The following CDC40 variants were observed in gnomAD, a reference collection of about 807,000 sequenced individuals.
CDC40 encodes the protein cell division cycle 40, also known as pre-mRNA-processing factor 17.
A neutral mutation model predicts 80.6 loss-of-function variants in CDC40; 27 were observed. That is an observed-to-expected ratio of 0.33 (90% CI 0.25 to 0.46). The LOEUF (loss-of-function observed/expected upper bound fraction) is 0.46, where lower values mean the gene tolerates loss of function less well. Ranked by LOEUF, CDC40 falls within the 20% of genes least tolerant of loss-of-function variation. The pLI is 1.00. For synonymous variants in CDC40, 221 were observed against 232.6 expected, an observed-to-expected ratio of 0.95 and a Z score of 0.45; for missense variants, 486 against 694.1, an observed-to-expected ratio of 0.70 and a Z score of 3.37.
intron 4 of CDC40, among the ~76,000 whole-genome samples, 178 bp from the exon 5 acceptor site, chr6:110,208,906 G>A (rs893553534): frequency 6.6e-6 from 1 of 152,160 alleles, no homozygotes; most frequent in African/African-American, 2.4e-5. Flanking sequence ...TCTGTAGCAT[G>A]AGTCAGCGTA....
rs146729954 is a variant in CDC40, at chr6:110,195,780, C to T, written c.276+2512C>T. On this transcript the variant is annotated intron_variant, in intron 2 of 14. Transcript: ENST00000307731. ...AAAAGATCTAAAGAACAGGAATGCC[C>T]GAGTCCTTACCAGAAGAAAGAATTG... 2.3e-3 allele frequency among the ~76,000 whole-genome samples: 353 copies of T among 152,106 alleles called. 1 individual carries two copies. Among genetic ancestry groups the T allele is most frequent in the African/African-American group, 8.1e-3 (337 of 41,494 alleles).
chr6:110,190,623 T>C (rs1466561369), intron 1 of CDC40, among the ~76,000 whole-genome samples: 2 of 152,138 alleles, frequency 1.3e-5, no homozygotes, highest in African/African-American at 4.8e-5. Context: ...CAGTTGGATA[T>C]GTGGATCCAA....
intron 2 of CDC40, among the ~76,000 whole-genome samples, chr6:110,198,423 T>A (rs1562201494): frequency 1.3e-5 from 2 of 152,170 alleles, no homozygotes; most frequent in Non-Finnish European, 2.9e-5. Context: ...GTGATCCACC[T>A]GCCTTGACCT....
At chr6:110,207,877 T>G (rs1349697873) in intron 4 of CDC40, among the ~76,000 whole-genome samples, 1 of 152,244 alleles carries the variant, frequency 6.6e-6, no homozygotes, top group Non-Finnish European at 1.5e-5. Context: ...AATCACTCAA[T>G]AAATTACAAC....
intron 2 of CDC40, among the ~76,000 whole-genome samples, chr6:110,194,706 A>AT (rs1169216523): frequency 1.3e-5 from 2 of 152,264 alleles, no homozygotes; most frequent in South Asian, 4.1e-4. Flanking sequence ...ATGTTTCATG[A>AT]TTTTTTAAAT....
At chr6:110,206,259 T>A (rs888623853) in intron 3 of CDC40, among the ~76,000 whole-genome samples, 1 of 152,192 alleles carries the variant, frequency 6.6e-6, no homozygotes, top group African/African-American at 2.4e-5. Flanking sequence ...TGCCTCAGCC[T>A]CCCGAGTAGC....
At chr6:110,216,642 A>G (rs1275987425) in intron 9 of CDC40, among the ~76,000 whole-genome samples, 1 of 152,118 alleles carries the variant, frequency 6.6e-6, no homozygotes, top group Non-Finnish European at 1.5e-5. Context: ...GTACCTCCTG[A>G]TGGGAGTTCA....
intron 2 of CDC40, among the ~76,000 whole-genome samples, chr6:110,201,269 A>T (rs1777489441): frequency 6.6e-6 from 1 of 152,212 alleles, no homozygotes; most frequent in Non-Finnish European, 1.5e-5. Context: ...AACTTCTGCA[A>T]TAATGTGAAT....
At chr6:110,194,742 C>T (rs1777397429) in intron 2 of CDC40, among the ~76,000 whole-genome samples, 1 of 151,986 alleles carries the variant, frequency 6.6e-6, no homozygotes, top group African/African-American at 2.4e-5. Context: ...AAAATGGAGC[C>T]ATTGAATTAG....
Position 110,193,233 on chromosome 6 carries a change from T to C in CDC40, c.241T>C (p.Tyr81His). The change falls in exon 2 of 15, where the codon TAT (tyrosine) becomes CAT (histidine). Residue 81 changes from tyrosine to histidine, a missense_variant. Physicochemically the swap from Tyr to His is moderately conservative, Grantham distance 83. Around this residue, in one of 3 missense-constraint regions of CDC40, gnomAD observed 381 missense variants for 492.1 expected, o/e 0.77. Transcript: ENST00000307731. ...TGACCCTGCCGTCAAAGAAGTTCAG[T>C]ATAATCCTACCTATGAGACCATGTT... The part of the protein sequence containing the change: ...HLDPAVKEVQ[Y>H]NPTYETMFAP... 1 of 1,609,748 alleles carries C rather than the reference T, an allele frequency of 6.2e-7. No individual in the cohort carries two copies.
At chr6:110,184,356 G>A (rs759033067) in intron 1 of CDC40, among the ~76,000 whole-genome samples, 3 of 149,566 alleles carry the variant, frequency 2.0e-5, no homozygotes, top group South Asian at 2.1e-4. Context: ...TGTTATGTCC[G>A]TTCATTTGTT....
At position 110,209,189 on chromosome 6, in the gene CDC40, A is replaced by T. The variant is rs1396620433; in HGVS notation, c.596A>T (p.Tyr199Phe). 2 of 1,612,900 alleles carry T rather than the reference A, an allele frequency of 1.2e-6. No individual in the cohort carries two copies. Among genetic ancestry groups the T allele is most frequent in the Non-Finnish European group, 1.7e-6 (2 of 1,179,120 alleles). ...IDGFLGPWAK[Y>F]VDEKDVAKPS... is the part of the protein sequence containing the mutation. ...GGTTTTTTGGGACCATGGGCAAAAT[A>T]TGTGGATGAAAAAGATGTAGCCAAA... The change falls in exon 5 of 15, where the codon TAT (tyrosine) becomes TTT (phenylalanine). Residue 199 changes from tyrosine (Y) to phenylalanine (F), a missense_variant. By Grantham distance (22) the Tyr-to-Phe change is conservative. This residue lies in a region of CDC40 where 381 missense variants were observed against 492.1 expected (regional missense o/e 0.77). Coordinates refer to ENST00000307731, the MANE Select transcript of CDC40 (RefSeq NM_015891.3).
chr6:110,188,143 T>C (rs868660097), intron 1 of CDC40, among the ~76,000 whole-genome samples: 6 of 152,330 alleles, frequency 3.9e-5, no homozygotes, highest in African/African-American at 1.4e-4. Context: ...AATTGATGTG[T>C]CATGATACTC....
At chr6:110,199,422 G>A (rs951130621) in intron 2 of CDC40, among the ~76,000 whole-genome samples, 10 of 151,268 alleles carry the variant, frequency 6.6e-5, no homozygotes, top group African/African-American at 9.8e-5. Flanking sequence ...GTGAAACCCC[G>A]TCTCTACAAA....
At position 110,201,903 on chromosome 6, in the gene CDC40, C is replaced by T. The variant is rs182508056; in HGVS notation, c.406+216C>T. ...GTAAATCCACTGTGATTTCTGAGTA[C>T]TGGAAATATTCTGTGATCTTAACCA... On this transcript the variant is annotated intron_variant, in intron 3 of 14. Transcript: ENST00000307731. 1.3e-3 allele frequency among the ~76,000 whole-genome samples: 196 copies of T among 152,230 alleles called. 1 individual carries two copies. Among genetic ancestry groups the T allele is most frequent in the African/African-American group, 4.6e-3 (193 of 41,536 alleles).
At chr6:110,210,508 C>T (rs1277510921) in intron 5 of CDC40, among the ~76,000 whole-genome samples, 199 bp from the exon 6 acceptor site, 4 of 145,766 alleles carry the variant, frequency 2.7e-5, no homozygotes, top group African/African-American at 5.1e-5. Context: ...CAGAGATTCG[C>T]GCCACTGCAC....
chr6:110,195,748 G>A (rs950249682), intron 2 of CDC40, among the ~76,000 whole-genome samples: 4 of 152,080 alleles, frequency 2.6e-5, no homozygotes, highest in East Asian at 1.9e-4. Flanking sequence ...AGCATGAGCC[G>A]AATCATAAAA....
At chr6:110,213,867 A>C (rs1209745651) in intron 8 of CDC40, among the ~76,000 whole-genome samples, 1 of 152,198 alleles carries the variant, frequency 6.6e-6, no homozygotes, top group African/African-American at 2.4e-5. Context: ...GTGTGGTAGA[A>C]AAAACTCCGT....
chr6:110,190,389 T>A (rs1311957325), intron 1 of CDC40, among the ~76,000 whole-genome samples: 1 of 152,156 alleles, frequency 6.6e-6, no homozygotes, highest in Non-Finnish European at 1.5e-5. Context: ...AGTATTACAA[T>A]AGGCCAGGCA....
Sources: allele counts gnomAD v4.1 joint callset (sites outside exome capture counted in the v4.1 genomes callset), GRCh38; gene constraint gnomAD v4.1.1; regional missense constraint gnomAD v4.1.1; transcripts MANE v1.5; gene names NCBI Gene and HGNC (gene_info 2026-07-23, HGNC 2026-07-21).